EML5: variants seen among roughly 807,000 people sequenced by gnomAD.
EML5 encodes EMAP like 5, also known as echinoderm microtubule-associated protein-like 5.
Under a neutral mutation model 250.0 loss-of-function variants are expected in EML5, and 120 were observed. The observed-to-expected ratio is 0.48, with a 90% CI of 0.41 to 0.56. EML5 has a LOEUF of 0.56. Among genes scored for constraint, EML5 ranks in the 20% least tolerant of loss-of-function variants. The pLI, the probability that EML5 is intolerant of heterozygous loss-of-function variation, is 0.00. For missense variants in EML5, 2,006 were observed against 2,437.6 expected (o/e 0.82, Z 3.73); for synonymous variants, 771 against 806.5 (o/e 0.96, Z 0.75).
intron 10 of EML5, 82 bp from the exon 11 acceptor site, chr14:88,706,508 T>C: frequency 3.0e-6 from 3 of 1,010,654 alleles, no homozygotes; most frequent in East Asian, 5.7e-5. Context: ...TATGAACCAC[T>C]GTATCATCCT....
intron 1 of EML5, among the ~76,000 whole-genome samples, chr14:88,791,917 G>C (rs540985685): frequency 6.6e-6 from 1 of 152,268 alleles, no homozygotes; most frequent in East Asian, 1.9e-4. Context: ...TTAGGTAAAG[G>C]GTTTCCCCCC....
intron 10 of EML5, among the ~76,000 whole-genome samples, chr14:88,706,927 C>T (rs2093326155): frequency 6.6e-6 from 1 of 152,200 alleles, no homozygotes; most frequent in African/African-American, 2.4e-5. Flanking sequence ...ATTAAAAAGT[C>T]AATCAATGTA....
At chr14:88,756,809 C>T (rs2094167011) in intron 1 of EML5, among the ~76,000 whole-genome samples, 1 of 151,866 alleles carries the variant, frequency 6.6e-6, no homozygotes, top group Admixed American at 6.6e-5. Context: ...CTACAAAAAC[C>T]CACTGAAGGA....
At chr14:88,726,510 A>T (rs186666841) in intron 8 of EML5, 31 bp downstream of exon 8, 18,917 of 1,561,742 alleles carry the variant, frequency 0.012, 158 homozygotes, top group Non-Finnish European at 0.014. Flanking sequence ...TGAAGATAAA[A>T]TTATTATGTG....
At chr14:88,710,797 A>G (rs546394653) in intron 10 of EML5, among the ~76,000 whole-genome samples, 14 of 152,316 alleles carry the variant, frequency 9.2e-5, no homozygotes, top group Non-Finnish European at 1.5e-4. Flanking sequence ...ATGTCCTTGA[A>G]GGAGTGAATA....
At chr14:88,685,517 T>C (rs967037610) in intron 19 of EML5, among the ~76,000 whole-genome samples, 37 of 152,230 alleles carry the variant, frequency 2.4e-4, no homozygotes, top group South Asian at 4.1e-4. Flanking sequence ...CCTTGGGGGA[T>C]TGATTCCAGG....
At chr14:88,617,004 T>G in intron 41 of EML5, 125 bp from the exon 42 acceptor site, 1 of 819,828 alleles carries the variant, frequency 1.2e-6, no homozygotes, top group Non-Finnish European at 1.8e-6. Flanking sequence ...AGGAAGTAAA[T>G]TATGGTAAGT....
chr14:88,666,923 T>C (rs2092324515), intron 21 of EML5, among the ~76,000 whole-genome samples: 1 of 152,254 alleles, frequency 6.6e-6, no homozygotes, highest in East Asian at 1.9e-4. Flanking sequence ...TTCTCAGATT[T>C]GAGAGTCAAG....
chr14:88,655,145 C>T (rs1319056457), intron 27 of EML5, among the ~76,000 whole-genome samples: 2 of 151,802 alleles, frequency 1.3e-5, no homozygotes, highest in Admixed American at 1.3e-4. Context: ...TCATATGAAA[C>T]TAAAAAAAGA....
intron 2 of EML5, among the ~76,000 whole-genome samples, chr14:88,751,859 C>A (rs2094101162): frequency 6.6e-6 from 1 of 152,066 alleles, no homozygotes; most frequent in Non-Finnish European, 1.5e-5. Flanking sequence ...TATTCCCAGA[C>A]AAAATCTTAT....
At chr14:88,645,587 C>T (rs909566725) in intron 29 of EML5, among the ~76,000 whole-genome samples, 8 of 152,088 alleles carry the variant, frequency 5.3e-5, no homozygotes, top group Non-Finnish European at 1.0e-4. Context: ...AAATCACATC[C>T]GAGTTCAAAT....
Position 88,754,512 on chromosome 14 carries a change from C to T in EML5, c.357G>A (p.Gln119=). ...IACLAFDLDG[Q]RLVSVGLDSK... The stretch of plus-strand genomic sequence containing the variant: ...AAAAAAATGAAAAACTGTCACATAC[C>T]TGTCCATCTAAGTCAAACGCCAAGC... The change falls in exon 2 of 44, where the codon CAG becomes CAA. Residue 119 remains glutamine (Q), a splice_region_variant and synonymous_variant. Transcript: ENST00000554922. The T allele has an allele frequency of 1.9e-6, 3 of 1,592,800 alleles. No homozygotes were observed. The highest frequency in any genetic ancestry group is 2.6e-6 in the Non-Finnish European group (3 of 1,172,884).
chr14:88,655,830 A>G (rs779325229), intron 27 of EML5, among the ~76,000 whole-genome samples: 31 of 152,344 alleles, frequency 2.0e-4, no homozygotes, highest in Non-Finnish European at 3.4e-4. Context: ...ACACTTCTCA[A>G]AAGAAGATAT....
intron 17 of EML5, among the ~76,000 whole-genome samples, chr14:88,693,705 C>A (rs911033154): frequency 1.3e-4 from 19 of 147,322 alleles, no homozygotes; most frequent in African/African-American, 4.5e-4. Context: ...AGAAAAGATG[C>A]AAAAGTGTTA....
At chr14:88,764,545 C>T (rs2094294540) in intron 1 of EML5, among the ~76,000 whole-genome samples, 1 of 152,132 alleles carries the variant, frequency 6.6e-6, no homozygotes, top group South Asian at 2.1e-4. Flanking sequence ...TTTCAAAGAA[C>T]CAACTTTAGG....
chr14:88,702,344 T>A (rs2093230647), intron 14 of EML5, 102 bp downstream of exon 14: 1 of 855,272 alleles, frequency 1.2e-6, no homozygotes, highest in Admixed American at 4.1e-5. Context: ...AAGAATTCTT[T>A]ACTCTTCATA....
chr14:88,661,517 CAT>C, intron 25 of EML5, 135 bp downstream of exon 25: 1 of 748,776 alleles, frequency 1.3e-6, no homozygotes, highest in South Asian at 2.5e-5. Context: ...AGATATGAAA[CAT>C]AATTCTGAAC....
intron 8 of EML5, among the ~76,000 whole-genome samples, chr14:88,717,907 C>G (rs1490183434): frequency 6.6e-6 from 1 of 152,182 alleles, no homozygotes; most frequent in Non-Finnish European, 1.5e-5. Context: ...GTATTATACT[C>G]CATACTATTA....
intron 7 of EML5, among the ~76,000 whole-genome samples, chr14:88,731,030 G>A (rs187517595): frequency 6.6e-6 from 1 of 151,976 alleles, no homozygotes; most frequent in Non-Finnish European, 1.5e-5. Context: ...TCAGTTCTGT[G>A]AATTTATTTT....
Sources: allele counts gnomAD v4.1 joint callset (sites outside exome capture counted in the v4.1 genomes callset), GRCh38; gene constraint gnomAD v4.1.1; transcripts MANE v1.5; gene names NCBI Gene and HGNC (gene_info 2026-07-23, HGNC 2026-07-21).